Variants in DLG2 observed in about 807,000 individuals in gnomAD.
DLG2 encodes discs large MAGUK scaffold protein 2.
A neutral mutation model predicts 132.5 loss-of-function variants in DLG2; 45 were observed. The ratio of observed to expected loss-of-function variants is 0.34; its 90% CI spans 0.27 to 0.44. DLG2 has a LOEUF of 0.44. Ranked by LOEUF, DLG2 falls within the 20% of genes least tolerant of loss-of-function variation. DLG2 has a pLI of 1.00. For synonymous variants in DLG2, 424 were observed against 419.6 expected, an observed-to-expected ratio of 1.01 and a Z score of -0.13; for missense variants, 1,045 against 1,196.9, an observed-to-expected ratio of 0.87 and a Z score of 1.87.
At chr11:85,557,483 A>G (rs887054054) in intron 3 of DLG2, among the ~76,000 whole-genome samples, 1 of 151,858 alleles carries the variant, frequency 6.6e-6, no homozygotes, top group Non-Finnish European at 1.5e-5. Flanking sequence ...ACCAAAAAAG[A>G]GTCTGAACAG....
intron 3 of DLG2, among the ~76,000 whole-genome samples, chr11:85,368,280 G>C (rs1021747283): frequency 6.6e-6 from 1 of 152,204 alleles, no homozygotes; most frequent in Non-Finnish European, 1.5e-5. Flanking sequence ...AATTGCAAAC[G>C]TGAGGTTGCA....
intron 6 of DLG2, among the ~76,000 whole-genome samples, chr11:85,090,151 A>T (rs1323851058): frequency 1.3e-5 from 2 of 152,130 alleles, no homozygotes; most frequent in African/African-American, 4.8e-5. Flanking sequence ...CATGAGATAA[A>T]CCAGTGGGGA....
At chr11:85,143,762 T>A (rs2076652374) in intron 5 of DLG2, among the ~76,000 whole-genome samples, 1 of 151,926 alleles carries the variant, frequency 6.6e-6, no homozygotes, top group Non-Finnish European at 1.5e-5. Context: ...TATTGATTTT[T>A]AGTTCTATTC....
intron 8 of DLG2, among the ~76,000 whole-genome samples, chr11:84,248,930 T>C (rs1047944675): frequency 3.9e-5 from 6 of 152,180 alleles, no homozygotes; most frequent in Non-Finnish European, 5.9e-5. Flanking sequence ...CAAAGTCAGA[T>C]ACAAACCTGG....
intron 6 of DLG2, among the ~76,000 whole-genome samples, chr11:84,713,729 C>T (rs1004257157): frequency 2.4e-4 from 36 of 151,954 alleles, no homozygotes; most frequent in Non-Finnish European, 5.9e-5. Flanking sequence ...TGCAGAAATA[C>T]CCATCATCAA....
At chr11:84,668,454 A>G (rs1294627129) in intron 6 of DLG2, among the ~76,000 whole-genome samples, 3 of 152,178 alleles carry the variant, frequency 2.0e-5, no homozygotes, top group Non-Finnish European at 4.4e-5. Context: ...CATTTCTGTG[A>G]AGAGAATTGC....
At chr11:83,603,100 G>C (rs148012652) in intron 19 of DLG2, among the ~76,000 whole-genome samples, 54 of 152,094 alleles carry the variant, frequency 3.6e-4, no homozygotes, top group African/African-American at 1.2e-3. Context: ...ATGCATACAA[G>C]TGATGGTAGT....
At chr11:83,712,560 G>T (rs1466722545) in intron 18 of DLG2, among the ~76,000 whole-genome samples, 1 of 152,068 alleles carries the variant, frequency 6.6e-6, no homozygotes, top group Non-Finnish European at 1.5e-5. Flanking sequence ...AACCTGTGGG[G>T]CAGAGGTTGC....
intron 5 of DLG2, among the ~76,000 whole-genome samples, chr11:85,154,110 C>A (rs141543821): frequency 0.019 from 2,713 of 144,274 alleles, 57 homozygotes; most frequent in Admixed American, 0.035. Context: ...ATCATGGATG[C>A]CCACCCTCCC....
chr11:85,406,003 C>T (rs1344208286), intron 3 of DLG2, among the ~76,000 whole-genome samples: 2 of 151,874 alleles, frequency 1.3e-5, no homozygotes, highest in Non-Finnish European at 2.9e-5. Context: ...GCTAGATATA[C>T]TCATTTTAAG....
At chr11:84,049,778 CA>C (rs2096323066) in intron 11 of DLG2, among the ~76,000 whole-genome samples, 1 of 151,512 alleles carries the variant, frequency 6.6e-6, no homozygotes, top group African/African-American at 2.4e-5. Context: ...AAAGAATGAA[CA>C]GAAAAGGAAG....
intron 6 of DLG2, among the ~76,000 whole-genome samples, chr11:85,015,776 C>T (rs775467814): frequency 6.6e-6 from 1 of 152,014 alleles, no homozygotes; most frequent in Non-Finnish European, 1.5e-5. Flanking sequence ...GAATTGTTTC[C>T]ACAATTCGAA....
chr11:84,994,339 T>C (rs2057427429), intron 6 of DLG2, among the ~76,000 whole-genome samples: 1 of 152,210 alleles, frequency 6.6e-6, no homozygotes, highest in Non-Finnish European at 1.5e-5. Context: ...GGATCATTCC[T>C]GTAACACCAG....
chr11:83,508,715 C>T (rs1190083772), intron 21 of DLG2, among the ~76,000 whole-genome samples: 1 of 152,088 alleles, frequency 6.6e-6, no homozygotes, highest in Non-Finnish European at 1.5e-5. Context: ...AACACAAATA[C>T]CTTTTTCTAT....
At chr11:83,743,940 A>G (rs949227688) in intron 18 of DLG2, among the ~76,000 whole-genome samples, 1 of 152,098 alleles carries the variant, frequency 6.6e-6, no homozygotes, top group South Asian at 2.1e-4. Context: ...ACTTCTTTCT[A>G]TGGGATTTCC....
intron 21 of DLG2, among the ~76,000 whole-genome samples, chr11:83,496,491 CA>C (rs1392994090): frequency 2.0e-5 from 3 of 152,050 alleles, no homozygotes; most frequent in African/African-American, 7.2e-5. Flanking sequence ...CATATGTCCA[CA>C]AAAAGGTATC....
intron 8 of DLG2, among the ~76,000 whole-genome samples, chr11:84,186,395 G>A (rs12785630): frequency 0.056 from 8,574 of 151,890 alleles, 282 homozygotes; most frequent in African/African-American, 0.071. Flanking sequence ...GAGCTGGAGC[G>A]GCTATACTGA....
chr11:84,964,414 TTTAA>T (rs1478807318), intron 6 of DLG2, among the ~76,000 whole-genome samples: 2 of 152,088 alleles, frequency 1.3e-5, no homozygotes, highest in Non-Finnish European at 2.9e-5. Context: ...ACCATTAAAT[TTTAA>T]TTAATAAATA....
chr11:85,381,222 G>A (rs548493741), intron 3 of DLG2, among the ~76,000 whole-genome samples: 4 of 152,070 alleles, frequency 2.6e-5, no homozygotes, highest in Admixed American at 6.5e-5. Flanking sequence ...TAGACTTTCT[G>A]GTTTTTCAAG....
Sources: allele counts gnomAD v4.1 joint callset (sites outside exome capture counted in the v4.1 genomes callset), GRCh38; gene constraint gnomAD v4.1.1; transcripts MANE v1.5; gene names NCBI Gene and HGNC (gene_info 2026-07-23, HGNC 2026-07-21).